The following PLA2G4E variants were observed in gnomAD, a reference collection of about 807,000 sequenced individuals.
PLA2G4E encodes the protein phospholipase A2 group IVE.
PLA2G4E carries 84 observed loss-of-function variants against 109.1 expected under a neutral mutation model. The ratio of observed to expected loss-of-function variants is 0.77; its 90% CI spans 0.65 to 0.92. PLA2G4E has a LOEUF of 0.92. PLA2G4E is among the 40% of genes least tolerant of loss of function. PLA2G4E has a pLI of 0.00. For synonymous variants in PLA2G4E, 469 were observed against 436.1 expected (o/e 1.08, Z -0.94); for missense variants, 1,057 against 1,076.6 (o/e 0.98, Z 0.25).
At position 41,992,664 on chromosome 15, in the gene PLA2G4E, AC is replaced by A. The variant is rs1035092059; in HGVS notation, c.1470+72del. The A allele has an allele frequency of 4.8e-6, 7 of 1,446,276 alleles. No individual in the cohort carries two copies. The African/African-American group carries it at 9.9e-5, about 21-fold the overall frequency. The allele number at this position is 1,446,276 out of a possible 1,614,324, so 89.6% of individuals were successfully genotyped here. A position where few individuals can be genotyped will look rare whatever the true frequency, so the allele number is the denominator to read the frequency against. On this transcript the variant is annotated intron_variant, in intron 13 of 19. Transcript: ENST00000399518. The stretch of plus-strand genomic sequence containing the variant: ...TCCCCTGTGTGCAATGGAAGTCCTG[AC>A]TCCCCTGAGGAAGAAAGAGAGCCAG...
chr15:42,045,608 G>A (rs185290811), intron 1 of PLA2G4E, among the ~76,000 whole-genome samples: 2 of 152,314 alleles, frequency 1.3e-5, no homozygotes, highest in East Asian at 3.9e-4. Flanking sequence ...TTGGCTCCCA[G>A]GACACCACTT....
intron 2 of PLA2G4E, among the ~76,000 whole-genome samples, chr15:42,011,562 TA>T (rs2068535784): frequency 7.3e-6 from 1 of 136,312 alleles, no homozygotes; most frequent in Non-Finnish European, 1.6e-5. Flanking sequence ...TCTCCACAAA[TA>T]ATTTTTTTTT....
At chr15:41,993,137 A>G (rs1258352130) in intron 12 of PLA2G4E, among the ~76,000 whole-genome samples, 178 bp from the exon 13 acceptor site, 1 of 152,204 alleles carries the variant, frequency 6.6e-6, no homozygotes, top group African/African-American at 2.4e-5. Context: ...GGAGGTGAAC[A>G]TTATTACTCA....
chr15:41,989,843 T>C (rs2068213441), intron 14 of PLA2G4E, among the ~76,000 whole-genome samples: 1 of 152,246 alleles, frequency 6.6e-6, no homozygotes, highest in Non-Finnish European at 1.5e-5. Flanking sequence ...TCTCTCTCTC[T>C]CTGGGCAGCG....
intron 1 of PLA2G4E, among the ~76,000 whole-genome samples, chr15:42,045,905 T>C (rs903918131): frequency 2.0e-5 from 3 of 152,036 alleles, no homozygotes; most frequent in Non-Finnish European, 4.4e-5. Flanking sequence ...GAATCTCAAG[T>C]TTAAAATGCC....
intron 1 of PLA2G4E, among the ~76,000 whole-genome samples, chr15:42,038,105 A>G (rs1344837555): frequency 6.6e-6 from 1 of 152,240 alleles, no homozygotes; most frequent in Non-Finnish European, 1.5e-5. Flanking sequence ...CATCAGTTCC[A>G]AGGTACACAT....
rs563304887 is a variant in PLA2G4E, at chr15:42,001,126, C to T, written c.673+31G>A. ...ATTTGGAAGCAGCTCCCCCTTGTCCCCCAGTAGGCAGAAAAGGCAAAACAG... is the reference window on the plus strand; with the variant it reads ...ATTTGGAAGCAGCTCCCCCTTGTCCTCCAGTAGGCAGAAAAGGCAAAACAG... On this transcript the variant is annotated intron_variant, in intron 7 of 19. Transcript: ENST00000399518. The T allele has an allele frequency of 4.6e-5, 73 of 1,589,944 alleles. No individual in the cohort carries two copies. In the East Asian group the frequency reaches 9.6e-4, roughly 21 times the overall value.
intron 5 of PLA2G4E, among the ~76,000 whole-genome samples, chr15:42,004,686 G>T (rs1233159460): frequency 6.6e-6 from 1 of 152,174 alleles, no homozygotes; most frequent in Non-Finnish European, 1.5e-5. Context: ...AGGCTATTTG[G>T]CCAGAGTACT....
intron 13 of PLA2G4E, 40 bp from the exon 14 acceptor site, chr15:41,990,275 AGAGGGTGAGG>A (rs1182973147): frequency 3.2e-6 from 5 of 1,573,320 alleles, no homozygotes; most frequent in Non-Finnish European, 4.4e-6. Context: ...GCAGCAGCCC[AGAGGGTGAGG>A]GAGGCAGTGC....
intron 1 of PLA2G4E, among the ~76,000 whole-genome samples, chr15:42,029,688 T>C (rs1747488254): frequency 6.6e-6 from 1 of 152,208 alleles, no homozygotes. Flanking sequence ...TACATGGACT[T>C]GGGTAAGTTT....
intron 7 of PLA2G4E, 23 bp downstream of exon 7, chr15:42,001,134 G>A: frequency 6.2e-7 from 1 of 1,602,162 alleles, no homozygotes; most frequent in Non-Finnish European, 8.6e-7. Flanking sequence ...CCCCCAGTAG[G>A]CAGAAAAGGC....
At chr15:41,989,097 G>A (rs1256013954) in intron 15 of PLA2G4E, among the ~76,000 whole-genome samples, 4 of 152,094 alleles carry the variant, frequency 2.6e-5, no homozygotes, top group South Asian at 2.1e-4. Flanking sequence ...CTGGACCCTC[G>A]GGTCCCAGGT....
At chr15:42,010,131 G>GCCCCCCCCCCCCCCCCCCCCCCCCCCCC (rs758613773) in intron 2 of PLA2G4E, 4 of 440,790 alleles carry the variant, frequency 9.1e-6, no homozygotes, top group Middle Eastern at 4.1e-4. Context: ...CCAGAACACT[G>GCCCCCCCCCCCCCCCCCCCCCCCCCCCC]GCCCCCCCAC....
At chr15:41,986,781 A>C (rs764306571) in intron 17 of PLA2G4E, 3 of 214,794 alleles carry the variant, frequency 1.4e-5, no homozygotes, top group Non-Finnish European at 2.8e-5. Context: ...TCGGCCTCCC[A>C]AAGTGCTGGT....
chr15:42,047,416 G>T (rs538280020), intron 1 of PLA2G4E, among the ~76,000 whole-genome samples: 2 of 152,206 alleles, frequency 1.3e-5, no homozygotes, highest in East Asian at 3.9e-4. Flanking sequence ...ACAGGGTGCA[G>T]AACTCACTTT....
intron 9 of PLA2G4E, 39 bp from the exon 10 acceptor site, chr15:41,999,600 A>G (rs906869379): frequency 6.2e-7 from 1 of 1,605,176 alleles, no homozygotes; most frequent in Non-Finnish European, 8.5e-7. Context: ...AGAGGTGACA[A>G]TTCAGAGCCA....
intron 1 of PLA2G4E, among the ~76,000 whole-genome samples, chr15:42,015,017 C>G (rs1205060910): frequency 6.6e-6 from 1 of 152,094 alleles, no homozygotes; most frequent in Admixed American, 6.5e-5. Flanking sequence ...TCCGTCCTGC[C>G]CCTCTTCTAG....
At chr15:42,025,499 C>A (rs1404424232) in intron 1 of PLA2G4E, among the ~76,000 whole-genome samples, 1 of 152,112 alleles carries the variant, frequency 6.6e-6, no homozygotes, top group Non-Finnish European at 1.5e-5. Context: ...CCCCCACCCC[C>A]CACTGGAGTC....
At chr15:42,036,205 G>GCCGACAGCCTCCTCTGCAGC (rs1215283901) in intron 1 of PLA2G4E, among the ~76,000 whole-genome samples, 3 of 152,208 alleles carry the variant, frequency 2.0e-5, no homozygotes, top group Non-Finnish European at 4.4e-5. Flanking sequence ...CGGGGAGGAG[G>GCCGACAGCCTCCTCTGCAGC]CCGACAGCCT....
Sources: allele counts gnomAD v4.1 joint callset (sites outside exome capture counted in the v4.1 genomes callset), GRCh38; gene constraint gnomAD v4.1.1; transcripts MANE v1.5; gene names NCBI Gene and HGNC (gene_info 2026-07-23, HGNC 2026-07-21).